The following TMTC2 variants were observed in gnomAD, a reference collection of about 807,000 sequenced individuals.
TMTC2 encodes protein O-mannosyl-transferase TMTC2.
In TMTC2, 43 loss-of-function variants were observed where a neutral mutation model predicts 82.4. That is an observed-to-expected ratio of 0.52 (90% confidence interval 0.41 to 0.67). The LOEUF is 0.67. TMTC2 is among the 30% of genes least tolerant of loss of function. The probability of loss-of-function intolerance (pLI) is 0.00; values close to 1 mark genes in which losing one functional copy is unlikely to be tolerated. For missense variants in TMTC2, 919 were observed against 1,012.4 expected, an observed-to-expected ratio of 0.91 and a Z score of 1.25; for synonymous variants, 408 against 381.9, an observed-to-expected ratio of 1.07 and a Z score of -0.80.
chr12:82,690,432 C>T, intron 1 of TMTC2: 1 of 981,582 alleles, frequency 1.0e-6, no homozygotes, highest in Non-Finnish European at 1.2e-6. Context: ...TGTGGTACTT[C>T]TCAAGGTTAT....
At chr12:83,062,541 A>G (rs1414864163) in intron 11 of TMTC2, among the ~76,000 whole-genome samples, 2 of 151,834 alleles carry the variant, frequency 1.3e-5, no homozygotes, top group African/African-American at 4.8e-5. Flanking sequence ...CTTCACATCA[A>G]GACCATCTAT....
chr12:82,692,635 C>T (rs779991934), intron 1 of TMTC2, among the ~76,000 whole-genome samples: 1 of 152,228 alleles, frequency 6.6e-6, no homozygotes, highest in Non-Finnish European at 1.5e-5. Flanking sequence ...AACACAGCAA[C>T]TTTCATCTGT....
rs1271920285 is a variant in TMTC2, at chr12:82,719,059, TTATA to T, written c.83+31414_83+31417del. The stretch of plus-strand genomic sequence containing the variant: ...TACAATTCTACAGCTTTAGATGATT[TTATA>T]TATATATATATATATATATATATTT... On this transcript the variant is annotated intron_variant, in intron 1 of 11. Transcript: ENST00000321196. 1.9e-3 allele frequency among the ~76,000 whole-genome samples: 179 copies of T among 94,422 alleles called. 4 individuals are homozygous for T. The highest frequency in any genetic ancestry group is 7.1e-3 in the Middle Eastern group (1 of 140). 61.9% of individuals were successfully genotyped at this position (94,422 alleles called of 152,430 possible). A position where few individuals can be genotyped will look rare whatever the true frequency, so the allele number is the denominator to read the frequency against.
At chr12:82,927,137 A>G (rs1311099203) in intron 3 of TMTC2, among the ~76,000 whole-genome samples, 1 of 152,252 alleles carries the variant, frequency 6.6e-6, no homozygotes, top group Non-Finnish European at 1.5e-5. Flanking sequence ...TAGTCTGGGT[A>G]AAGTAAATGG....
intron 11 of TMTC2, among the ~76,000 whole-genome samples, chr12:83,068,018 A>G (rs1882979657): frequency 6.6e-6 from 1 of 152,102 alleles, no homozygotes; most frequent in Non-Finnish European, 1.5e-5. Flanking sequence ...AGCCAGTGTT[A>G]TCCATTTGGG....
At chr12:83,038,225 C>T (rs917931442) in intron 9 of TMTC2, among the ~76,000 whole-genome samples, 4 of 151,652 alleles carry the variant, frequency 2.6e-5, no homozygotes, top group African/African-American at 9.7e-5. Flanking sequence ...CAACATGGCA[C>T]ATGTATACGT....
At chr12:82,758,089 T>C (rs1008815832) in intron 1 of TMTC2, among the ~76,000 whole-genome samples, 1 of 152,174 alleles carries the variant, frequency 6.6e-6, no homozygotes, top group African/African-American at 2.4e-5. Context: ...TTTTACCTTA[T>C]TTTATATTTA....
intron 1 of TMTC2, among the ~76,000 whole-genome samples, chr12:82,835,755 G>A (rs536693932): frequency 1.3e-5 from 2 of 152,326 alleles, no homozygotes; most frequent in South Asian, 4.1e-4. Context: ...AGTTCGCATT[G>A]ATATGGACAT....
At chr12:82,722,324 G>T (rs538797492) in intron 1 of TMTC2, among the ~76,000 whole-genome samples, 159 of 151,198 alleles carry the variant, frequency 1.1e-3, no homozygotes, top group Non-Finnish European at 1.9e-3. Context: ...GGAGGCCAAG[G>T]TGGGCGGGTC....
intron 9 of TMTC2, among the ~76,000 whole-genome samples, chr12:83,049,684 G>T (rs2137454977): frequency 6.6e-6 from 1 of 152,298 alleles, no homozygotes; most frequent in South Asian, 2.1e-4. Context: ...ACACAATAAT[G>T]GGATTGCTGT....
chr12:82,696,686 C>T (rs1872804654), intron 1 of TMTC2, among the ~76,000 whole-genome samples: 1 of 151,970 alleles, frequency 6.6e-6, no homozygotes, highest in African/African-American at 2.4e-5. Context: ...TGTATGTCAT[C>T]AGGATAAATA....
intron 1 of TMTC2, among the ~76,000 whole-genome samples, chr12:82,701,514 G>A (rs1285864140): frequency 6.6e-6 from 1 of 151,322 alleles, no homozygotes; most frequent in African/African-American, 2.4e-5. Flanking sequence ...CACTTTGGGA[G>A]GCCGAGGCGG....
rs772836215 is a variant in TMTC2 at position 82,985,898 on chromosome 12, G to A, written c.1949-27G>A. ...TGTGGAAAAGCTGTATCCTCCCTTT[G>A]ACCTTCATGATTAATTCTCTTTCCA... On this transcript the variant is annotated intron_variant, in intron 7 of 11. Transcript: ENST00000321196. 3 of 1,608,156 alleles carry A rather than the reference G, an allele frequency of 1.9e-6. No individual in the cohort carries two copies. The African/African-American group carries it at 4.0e-5, about 21-fold the overall frequency.
At chr12:82,697,334 CAAAA>C (rs367770708) in intron 1 of TMTC2, among the ~76,000 whole-genome samples, 16 of 61,692 alleles carry the variant, frequency 2.6e-4, no homozygotes, top group Non-Finnish European at 3.5e-4. Flanking sequence ...CAGCCTGTCT[CAAAA>C]AAAAAAAAAA....
At chr12:82,828,640 T>G (rs1443706705) in intron 1 of TMTC2, among the ~76,000 whole-genome samples, 1 of 152,152 alleles carries the variant, frequency 6.6e-6, no homozygotes, top group African/African-American at 2.4e-5. Flanking sequence ...AAAAGAAACA[T>G]CATAAAAGGT....
chr12:83,050,844 C>T (rs1403312731), intron 9 of TMTC2, 60 bp from the exon 10 acceptor site: 2 of 1,165,376 alleles, frequency 1.7e-6, no homozygotes, highest in Non-Finnish European at 2.5e-6. Flanking sequence ...TCTTTAATAA[C>T]AGCTTTATTG....
At chr12:82,715,294 GA>G (rs1873845016) in intron 1 of TMTC2, among the ~76,000 whole-genome samples, 1 of 150,890 alleles carries the variant, frequency 6.6e-6, no homozygotes, top group African/African-American at 2.4e-5. Flanking sequence ...AAACAAAAAA[GA>G]AAAGGCATAC....
chr12:83,105,421 A>C (rs1268656219), intron 11 of TMTC2, among the ~76,000 whole-genome samples: 1 of 152,212 alleles, frequency 6.6e-6, no homozygotes, highest in Non-Finnish European at 1.5e-5. Flanking sequence ...ATTGGCTGAC[A>C]GTTCTGCAGG....
chr12:82,817,725 A>G (rs1169996715), intron 1 of TMTC2, among the ~76,000 whole-genome samples: 3 of 152,180 alleles, frequency 2.0e-5, no homozygotes, highest in African/African-American at 7.2e-5. Context: ...CATTTACTCC[A>G]TAATATGGAA....
Sources: gnomAD v4.1 joint callset for allele counts (sites outside exome capture counted in the v4.1 genomes callset) on GRCh38, gnomAD v4.1.1 for gene constraint, MANE v1.5 for transcripts, NCBI Gene and HGNC (gene_info 2026-07-23, HGNC 2026-07-21) for gene names.